The following PBDC1 variants were observed in gnomAD, a reference collection of about 807,000 sequenced individuals.
PBDC1 encodes polysaccharide biosynthesis domain containing 1, also known as protein PBDC1.
Under a neutral mutation model 12.0 loss-of-function variants are expected in PBDC1, and 3 were observed. That is an observed-to-expected ratio of 0.25 (90% CI 0.11 to 0.64). The LOEUF is 0.64. Among genes scored for constraint, PBDC1 ranks in the 30% least tolerant of loss-of-function variants. PBDC1 has a pLI of 0.84. For synonymous variants in PBDC1, 64 were observed against 56.4 expected, an observed-to-expected ratio of 1.13 and a Z score of -0.60; for missense variants, 162 against 168.1, an observed-to-expected ratio of 0.96 and a Z score of 0.20.
In PBDC1 at chrX:76,175,586, A is replaced by G. The variant is rs1281215283; in HGVS notation, c.270A>G (p.Glu90=). 6 of 1,202,978 alleles carry G rather than the reference A, an allele frequency of 5.0e-6. No homozygotes were observed. In the African/African-American group the frequency reaches 1.0e-4, roughly 21 times the overall value. ...TTAGGATAGATGTGTTGGACCCAGA[A>G]GAACTCAAGTCAGAATCAGCCAAAG... ...ETLRIDVLDP[E]ELKSESAKEK... Residue 90 remains glutamate (E), a synonymous_variant, in exon 4 of 6, where the codon GAA becomes GAG. Transcript: ENST00000373358.
Position 76,178,228 on chromosome X carries a change from G to A in PBDC1, c.*320G>A, listed in dbSNP as rs1278621176. The A allele has an allele frequency of 6.5e-6, 2 of 306,151 alleles. No homozygotes were observed. The highest frequency in any genetic ancestry group is 1.1e-5 in the Non-Finnish European group (2 of 174,899). The allele number at this position is 306,151 out of a possible 1,213,427, so 25.2% of individuals were successfully genotyped here. ...TATATCTGTGACTGACTTTAAAAAG[G>A]TATTTGACACTTGAAATTTTTTTCA... On this transcript the variant is annotated 3_prime_UTR_variant, in exon 6 of 6. Coordinates refer to ENST00000373358, the MANE Select transcript of PBDC1 (RefSeq NM_016500.5).
chrX:76,176,823 G>T, intron 4 of PBDC1, 58 bp from the exon 5 acceptor site: 1 of 747,124 alleles, frequency 1.3e-6, no homozygotes, highest in Non-Finnish European at 2.1e-6. Flanking sequence ...CCCTCTCCTG[G>T]CCTTAGTACG....
Position 76,175,706 on chromosome X carries a change from A to G in PBDC1, c.297+93A>G, listed in dbSNP as rs1924773031. 4.5e-6 allele frequency: 3 copies of G among 662,686 alleles called. No homozygotes were observed. The African/African-American group carries it at 6.8e-5, about 15-fold the overall frequency. The allele number at this position is 662,686 out of a possible 1,213,427, so 54.6% of individuals were successfully genotyped here. On this transcript the variant is annotated intron_variant, in intron 4 of 5. Coordinates refer to ENST00000373358, the MANE Select transcript of PBDC1 (RefSeq NM_016500.5). Reference sequence around the variant, plus strand: ...TACATTTAAGCTCTTTTTTTGTTTGAGAAAAATATGTAAAGAACCAGAACT... The same window carrying G: ...TACATTTAAGCTCTTTTTTTGTTTGGGAAAAATATGTAAAGAACCAGAACT...
In PBDC1 at chrX:76,177,962, C is replaced by T; in HGVS notation, c.*54C>T. On this transcript the variant is annotated 3_prime_UTR_variant, in exon 6 of 6. Coordinates refer to ENST00000373358, the MANE Select transcript of PBDC1 (RefSeq NM_016500.5). ...TATGACTCAATTGAGACTACAAGTA[C>T]CACGGTGCTACTTGCACAGACCCCT... 8.4e-7 allele frequency: 1 copy of T among 1,196,511 alleles called. No homozygotes were observed. Among genetic ancestry groups the T allele is most frequent in the Non-Finnish European group, 1.1e-6 (1 of 888,678 alleles).
chrX:76,173,883 C>T (rs1924725544), intron 2 of PBDC1, among the ~76,000 whole-genome samples: 1 of 112,133 alleles, frequency 8.9e-6, no homozygotes, highest in Non-Finnish European at 1.9e-5. Context: ...TACTGGGGAG[C>T]TTTTAAACAT....
chrX:76,177,561 A>G, intron 5 of PBDC1, 55 bp from the exon 6 acceptor site: 1 of 1,081,287 alleles, frequency 9.2e-7, no homozygotes, highest in Non-Finnish European at 1.2e-6. Flanking sequence ...CAAAAAAAAG[A>G]GATTTAGGGA....
At chrX:76,174,122 G>A (rs1295976683) in intron 2 of PBDC1, among the ~76,000 whole-genome samples, 1 of 112,129 alleles carries the variant, frequency 8.9e-6, no homozygotes, top group African/African-American at 3.2e-5. Flanking sequence ...TAATGAGTGG[G>A]TCAGGCCATA....
chrX:76,173,897 G>A (rs1365969350), intron 2 of PBDC1, among the ~76,000 whole-genome samples: 1 of 111,999 alleles, frequency 8.9e-6, no homozygotes. Context: ...TAAACATCCC[G>A]CTGCCTAGAT....
In PBDC1 at chrX:76,177,817, G is replaced by A. The variant is rs1556797121; in HGVS notation, c.611G>A (p.Gly204Glu). 6 of 1,203,134 alleles carry A rather than the reference G, an allele frequency of 5.0e-6. No homozygotes were observed. The South Asian group carries it at 5.4e-5, about 11-fold the overall frequency. The change falls in exon 6 of 6, where the codon GGA becomes GAA. Residue 204 changes from glycine (G) to glutamate (E), a missense_variant. Around this residue, in one of 3 missense-constraint regions of PBDC1, gnomAD observed 100 missense variants for 96.2 expected, o/e 1.04. Transcript: ENST00000373358. ...GATAGTGGAGAAGAAAAAGAGGAAGGAATCAACAGAGAAGACAAAACTGAC... is the reference window on the plus strand; with the variant it reads ...GATAGTGGAGAAGAAAAAGAGGAAGAAATCAACAGAGAAGACAAAACTGAC... ...GADSGEEKEE[G>E]INREDKTDKG...
rs781826139 is a variant in PBDC1 at position 76,173,249 on chromosome X, GTCAC to G, written c.30+85_30+88del. On this transcript the variant is annotated intron_variant, in intron 1 of 5. Transcript: ENST00000373358. The stretch of plus-strand genomic sequence containing the variant: ...TTTTTTTTCTTTTTTGAGACAAGGT[GTCAC>G]TCAGTCGCCCAGGCTGGAGTGCAGT... 35 of 905,208 alleles carry G rather than the reference GTCAC, an allele frequency of 3.9e-5. No homozygotes were observed. The East Asian group carries it at 1.1e-3, about 30-fold the overall frequency. 74.6% of individuals were successfully genotyped at this position (905,208 alleles called of 1,213,427 possible).
At chrX:76,174,760 A>G in intron 2 of PBDC1, 130 bp from the exon 3 acceptor site, 1 of 518,498 alleles carries the variant, frequency 1.9e-6, no homozygotes, top group Non-Finnish European at 3.3e-6. Flanking sequence ...TCCAGTTTTT[A>G]TCATTTGACA....
intron 3 of PBDC1, 152 bp downstream of exon 3, chrX:76,175,101 G>A (rs1450788164): frequency 2.0e-5 from 10 of 501,362 alleles, no homozygotes; most frequent in Admixed American, 3.5e-5. Flanking sequence ...ACAGAGGAGC[G>A]AAGGCAAATT....
In PBDC1 at chrX:76,177,983, C is replaced by A. The variant is rs1374735647; in HGVS notation, c.*75C>A. On this transcript the variant is annotated 3_prime_UTR_variant, in exon 6 of 6. Transcript: ENST00000373358. Reference sequence around the variant, plus strand: ...AGTACCACGGTGCTACTTGCACAGACCCCTTTGGTTAAATGTAAATTCTTG... The same window carrying A: ...AGTACCACGGTGCTACTTGCACAGAACCCTTTGGTTAAATGTAAATTCTTG... 4.2e-6 allele frequency: 5 copies of A among 1,178,790 alleles called. No homozygotes were observed. The highest frequency in any genetic ancestry group is 5.7e-6 in the Non-Finnish European group (5 of 883,368).
At position 76,173,650 on chromosome X, in the gene PBDC1, T is replaced by C. The variant is rs782587598; in HGVS notation, c.96T>C (p.Asp32=). ...TCCCAGCAGAGTCGTATGGCAACGATGTGAGTATGACTCACCCACAGCTCC... is the reference window on the plus strand; with the variant it reads ...TCCCAGCAGAGTCGTATGGCAACGACGTGAGTATGACTCACCCACAGCTCC... The part of the protein sequence containing the change: ...LSLPAESYGN[D]PDIEMAWAMR... The change falls in exon 2 of 6, where the codon GAT becomes GAC. Residue 32 remains aspartate (D), a splice_region_variant and synonymous_variant. Transcript: ENST00000373358. The C allele has an allele frequency of 3.4e-6, 4 of 1,179,070 alleles. No individual in the cohort carries two copies. The South Asian group carries it at 5.9e-5, about 17-fold the overall frequency.
At chrX:76,173,543 C>T (rs781859026) in intron 1 of PBDC1, 42 bp from the exon 2 acceptor site, 9 of 1,091,644 alleles carry the variant, frequency 8.2e-6, no homozygotes, top group Non-Finnish European at 1.1e-5. Flanking sequence ...CCACCGCGCC[C>T]GGCCTTGGGG....
Position 76,178,068 on chromosome X carries a change from G to A in PBDC1, c.*160G>A. On this transcript the variant is annotated 3_prime_UTR_variant, in exon 6 of 6. Transcript: ENST00000373358. ...AGTCTAACAGTCAGGAGCTGCTCTG[G>A]TCATTCCCTTGTATGAACTGGTCTA... 1.0e-6 allele frequency: 1 copy of A among 976,115 alleles called. No homozygotes were observed. Among genetic ancestry groups the A allele is most frequent in the East Asian group, 3.2e-5 (1 of 31,137 alleles). 80.4% of individuals were successfully genotyped at this position (976,115 alleles called of 1,213,427 possible).
chrX:76,174,847 G>C (rs1556796771), intron 2 of PBDC1, 43 bp from the exon 3 acceptor site: 1 of 1,106,563 alleles, frequency 9.0e-7, no homozygotes. Context: ...TTCAGTAGTA[G>C]GATGGGGAGA....
rs1472849855 is a variant in PBDC1 at position 76,173,665 on chromosome X, C to T, written c.96+15C>T. On this transcript the variant is annotated intron_variant, in intron 2 of 5. Coordinates refer to ENST00000373358, the MANE Select transcript of PBDC1 (RefSeq NM_016500.5). ...ATGGCAACGATGTGAGTATGACTCA[C>T]CCACAGCTCCCACCCACTCAGCTAG... The T allele has an allele frequency of 1.8e-6, 2 of 1,110,297 alleles. No homozygotes were observed. Among genetic ancestry groups the T allele is most frequent in the African/African-American group, 3.7e-5 (2 of 54,687 alleles). The allele number at this position is 1,110,297 out of a possible 1,213,427, so 91.5% of individuals were successfully genotyped here.
At chrX:76,173,822 C>T (rs782698732) in intron 2 of PBDC1, among the ~76,000 whole-genome samples, 172 bp downstream of exon 2, 1 of 112,144 alleles carries the variant, frequency 8.9e-6, no homozygotes, top group Non-Finnish European at 1.9e-5. Flanking sequence ...TCCACAAACG[C>T]AGGACTAACG....
Sources: allele counts gnomAD v4.1 joint callset (sites outside exome capture counted in the v4.1 genomes callset), GRCh38; gene constraint gnomAD v4.1.1; regional missense constraint gnomAD v4.1.1; transcripts MANE v1.5; gene names NCBI Gene and HGNC (gene_info 2026-07-23, HGNC 2026-07-21).